The following ADRA1B variants were observed in gnomAD, a reference collection of about 807,000 sequenced individuals.
ADRA1B encodes alpha-1B adrenergic receptor.
A neutral mutation model predicts 17.9 loss-of-function variants in ADRA1B; 17 were observed. That is an observed-to-expected ratio of 0.95 (90% CI 0.65 to 1.42). The LOEUF (loss-of-function observed/expected upper bound fraction) is 1.42, where lower values mean the gene tolerates loss of function less well. Ranked by LOEUF, ADRA1B falls within the 40% of genes most tolerant of loss-of-function variation. The pLI, the probability that ADRA1B is intolerant of heterozygous loss-of-function variation, is 0.00. For missense variants in ADRA1B, 681 were observed against 722.1 expected (o/e 0.94, Z 0.65); for synonymous variants, 366 against 327.6 (o/e 1.12, Z -1.27).
chr5:159,978,091 A>G, the ADRA1B span, among the ~76,000 whole-genome samples: 1 of 151,898 alleles, frequency 6.6e-6, no homozygotes, highest in African/African-American at 2.4e-5. Context: ...CCTGACATAT[A>G]TTTTTTAAAT....
downstream of ADRA1B, among the ~76,000 whole-genome samples, chr5:159,977,551 A>G (rs1449974491): frequency 6.6e-6 from 1 of 152,196 alleles, no homozygotes; most frequent in African/African-American, 2.4e-5. Context: ...AAGAATTAGC[A>G]TCCTTCCACG....
intron 1 of ADRA1B, among the ~76,000 whole-genome samples, chr5:159,929,961 G>T (rs1754757421): frequency 6.6e-6 from 1 of 152,096 alleles, no homozygotes; most frequent in Non-Finnish European, 1.5e-5. Context: ...TGTTTATTTT[G>T]ATTCGTGGTG....
chr5:159,948,266 G>T (rs770954898), intron 1 of ADRA1B: 8 of 985,426 alleles, frequency 8.1e-6, no homozygotes, highest in Non-Finnish European at 9.6e-6. Flanking sequence ...AGGTTAAGAA[G>T]CTGGACCTTT....
At chr5:159,909,960 T>A (rs1182931678) in intron 1 of ADRA1B, among the ~76,000 whole-genome samples, 1 of 152,120 alleles carries the variant, frequency 6.6e-6, no homozygotes. Context: ...AAATTCTCAA[T>A]AAGGTCTAGA....
intron 1 of ADRA1B, among the ~76,000 whole-genome samples, chr5:159,936,210 C>A (rs1165355634): frequency 1.3e-5 from 2 of 152,180 alleles, no homozygotes; most frequent in African/African-American, 2.4e-5. Flanking sequence ...AAACATCCTA[C>A]AATGCAAAGG....
chr5:159,962,228 G>A lies in ADRA1B; in HGVS notation c.950-9651G>A, dbSNP rs377341500. 3.1e-4 allele frequency among the ~76,000 whole-genome samples: 47 copies of A among 152,186 alleles called. No individual in the cohort carries two copies. In the South Asian group the frequency reaches 5.2e-3, roughly 17 times the overall value. ...AAAAAGAATATGTAAAGAATAAAAA[G>A]ATTCCTCCATTTATGCCCCACAGTA... On this transcript the variant is annotated intron_variant, in intron 1 of 1. Coordinates refer to ENST00000306675, the MANE Select transcript of ADRA1B (RefSeq NM_000679.4).
chr5:159,912,349 T>C (rs1039942388), upstream of ADRA1B, among the ~76,000 whole-genome samples: 1 of 152,196 alleles, frequency 6.6e-6, no homozygotes, highest in African/African-American at 2.4e-5. Context: ...CTGACCAGGG[T>C]CATAGTAAAC....
chr5:159,866,701 CA>C (rs1191931728), intron 1 of ADRA1B, among the ~76,000 whole-genome samples: 5 of 152,102 alleles, frequency 3.3e-5, no homozygotes, highest in African/African-American at 1.2e-4. Context: ...GAATGTCTCC[CA>C]AAAGTTAAGT....
At chr5:159,882,190 A>T (rs1753870661) in intron 1 of ADRA1B, among the ~76,000 whole-genome samples, 1 of 151,942 alleles carries the variant, frequency 6.6e-6, no homozygotes, top group South Asian at 2.1e-4. Flanking sequence ...AAATTAATAG[A>T]CTCGTAGGCT....
At chr5:159,977,758 A>C (rs1755994745), downstream of ADRA1B, among the ~76,000 whole-genome samples, 1 of 152,158 alleles carries the variant, frequency 6.6e-6, no homozygotes, top group African/African-American at 2.4e-5. Flanking sequence ...GAGGGGGCAC[A>C]CAGGTATGAC....
chr5:159,916,772 G>T lies in ADRA1B; in HGVS notation c.-134G>T. On this transcript the variant is annotated 5_prime_UTR_variant, in exon 1 of 2. Coordinates refer to ENST00000306675, the MANE Select transcript of ADRA1B (RefSeq NM_000679.4). The stretch of plus-strand genomic sequence containing the variant: ...CTGCCGGGCTGGGCTGCCCGGGGGA[G>T]ATGACTCCTCGCCAGGAGGGCGCCT... 1 of 836,338 alleles carries T rather than the reference G, an allele frequency of 1.2e-6. No individual in the cohort carries two copies. Among genetic ancestry groups the T allele is most frequent in the Non-Finnish European group, 1.9e-6 (1 of 538,636 alleles). 51.8% of individuals were successfully genotyped at this position (836,338 alleles called of 1,614,324 possible). A position where few individuals can be genotyped will look rare whatever the true frequency, so the allele number is the denominator to read the frequency against.
chr5:159,892,417 G>C (rs950653429), intron 1 of ADRA1B, among the ~76,000 whole-genome samples: 18 of 152,140 alleles, frequency 1.2e-4, no homozygotes, highest in Admixed American at 1.0e-3. Flanking sequence ...TTGCTGCACA[G>C]ATCATCCCAT....
chr5:159,917,731 A>G lies in ADRA1B; in HGVS notation c.826A>G (p.Arg276Gly). Residue 276 changes from arginine (R) to glycine (G), a missense_variant, in exon 1 of 2, where the codon AGG (arginine) becomes GGG (glycine). Physicochemically the swap from Arg to Gly is moderately radical, Grantham distance 125. This residue lies in a region of ADRA1B where 424 missense variants were observed against 480.2 expected (regional missense o/e 0.88). Transcript: ENST00000306675. ...TACCAAGGCCAAGGGCCACAACCCC[A>G]GGAGTTCCATAGCTGTCAAACTTTT... ...SSTKAKGHNP[R>G]SSIAVKLFKF... The G allele has an allele frequency of 6.2e-7, 1 of 1,614,186 alleles. No homozygotes were observed. The highest frequency in any genetic ancestry group is 8.5e-7 in the Non-Finnish European group (1 of 1,180,042).
intron 1 of ADRA1B, among the ~76,000 whole-genome samples, chr5:159,965,752 G>C (rs531904180): frequency 1.3e-5 from 2 of 152,290 alleles, no homozygotes; most frequent in South Asian, 4.1e-4. Context: ...GCCCCGCTGT[G>C]GTGAAAGTCT....
chr5:159,899,001 G>T (rs1039135435), intron 1 of ADRA1B, among the ~76,000 whole-genome samples: 1 of 151,904 alleles, frequency 6.6e-6, no homozygotes, highest in African/African-American at 2.4e-5. Flanking sequence ...TTTTTAATTA[G>T]CCAAGTGTGG....
upstream of ADRA1B, among the ~76,000 whole-genome samples, chr5:159,913,199 T>G (rs1285119644): frequency 6.6e-6 from 1 of 152,220 alleles, no homozygotes; most frequent in African/African-American, 2.4e-5. Flanking sequence ...GAAAAGATTC[T>G]TCTTCCACAA....
At chr5:159,893,766 G>A (rs1160879183) in intron 1 of ADRA1B, among the ~76,000 whole-genome samples, 2 of 152,188 alleles carry the variant, frequency 1.3e-5, no homozygotes, top group African/African-American at 4.8e-5. Flanking sequence ...GTCATCAAAA[G>A]GCTTTTGAAA....
intron 1 of ADRA1B, among the ~76,000 whole-genome samples, chr5:159,890,002 G>C (rs750921176): frequency 7.9e-5 from 12 of 152,216 alleles, no homozygotes; most frequent in Non-Finnish European, 7.3e-5. Flanking sequence ...TGGCACAGAA[G>C]CCTCCAGAAG....
chr5:159,971,827 T>C (rs1203309844), intron 1 of ADRA1B, 52 bp from the exon 2 acceptor site: 3 of 1,309,900 alleles, frequency 2.3e-6, no homozygotes, highest in Non-Finnish European at 2.9e-6. Flanking sequence ...AGAGCTTGAC[T>C]ACTCACAAAT....
Sources: allele counts gnomAD v4.1 joint callset (sites outside exome capture counted in the v4.1 genomes callset), GRCh38; gene constraint gnomAD v4.1.1; regional missense constraint gnomAD v4.1.1; transcripts MANE v1.5; gene names NCBI Gene and HGNC (gene_info 2026-07-23, HGNC 2026-07-21).